The following ANK3 variants were observed in gnomAD, a reference collection of about 807,000 sequenced individuals.
ANK3 encodes ankyrin 3.
ANK3 carries 57 observed loss-of-function variants against 370.9 expected under a neutral mutation model. The ratio of observed to expected loss-of-function variants is 0.15; its 90% CI spans 0.12 to 0.19. The LOEUF (loss-of-function observed/expected upper bound fraction) is 0.19. Ranked by LOEUF, ANK3 falls within the 10% of genes least tolerant of loss-of-function variation. The probability of loss-of-function intolerance (pLI) is 1.00; values close to 1 mark genes in which losing one functional copy is unlikely to be tolerated. For synonymous variants in ANK3, 1,929 were observed against 1,946.3 expected, an observed-to-expected ratio of 0.99 and a Z score of 0.23; for missense variants, 4,439 against 5,302.1, an observed-to-expected ratio of 0.84 and a Z score of 5.06.
intron 2 of ANK3, among the ~76,000 whole-genome samples, chr10:60,424,197 C>T (rs1487219554): frequency 6.6e-6 from 1 of 151,982 alleles, no homozygotes; most frequent in Non-Finnish European, 1.5e-5. Context: ...CAGCACAGCT[C>T]CAGTCACATT....
chr10:60,617,511 T>C (rs1355650023), intron 1 of ANK3, among the ~76,000 whole-genome samples: 1 of 152,178 alleles, frequency 6.6e-6, no homozygotes, highest in Non-Finnish European at 1.5e-5. Context: ...CAAGTCTAGC[T>C]TGTCAATATC....
intron 1 of ANK3, among the ~76,000 whole-genome samples, chr10:60,373,864 C>T (rs1055455201): frequency 2.4e-4 from 37 of 152,234 alleles, no homozygotes; most frequent in African/African-American, 8.4e-4. Context: ...CAGGTGCTTA[C>T]GCTAACCCCA....
intron 2 of ANK3, among the ~76,000 whole-genome samples, chr10:60,570,290 T>A (rs2077560773): frequency 6.6e-6 from 1 of 152,166 alleles, no homozygotes; most frequent in Admixed American, 6.6e-5. Flanking sequence ...AGTAGGTATC[T>A]GATAGCTTGA....
At chr10:60,438,913 A>G (rs1397780734) in intron 2 of ANK3, among the ~76,000 whole-genome samples, 1 of 152,254 alleles carries the variant, frequency 6.6e-6, no homozygotes, top group Non-Finnish European at 1.5e-5. Context: ...TGGCCATTTC[A>G]CAGAATGAAC....
chr10:60,422,249 C>T (rs1224116048), intron 2 of ANK3, among the ~76,000 whole-genome samples: 2 of 152,098 alleles, frequency 1.3e-5, no homozygotes, highest in Non-Finnish European at 2.9e-5. Flanking sequence ...ACTAAAAAGC[C>T]ACAAGGAACA....
chr10:60,671,887 G>A (rs913553287), intron 1 of ANK3, among the ~76,000 whole-genome samples: 5 of 152,146 alleles, frequency 3.3e-5, no homozygotes, highest in African/African-American at 1.2e-4. Flanking sequence ...ATCAGCACTG[G>A]CTTGCCAGGC....
intron 2 of ANK3, among the ~76,000 whole-genome samples, chr10:60,545,467 CTT>C (rs2076943051): frequency 1.3e-5 from 2 of 150,030 alleles, no homozygotes; most frequent in South Asian, 4.3e-4. Flanking sequence ...TCTACAAATA[CTT>C]CATAGAGTTT....
At chr10:60,699,609 A>T in intron 1 of ANK3, among the ~76,000 whole-genome samples, 1 of 152,122 alleles carries the variant, frequency 6.6e-6, no homozygotes, top group East Asian at 1.9e-4. Flanking sequence ...ATTACCAAGA[A>T]GCATAATATA....
chr10:60,069,532 T>G lies in ANK3; in HGVS notation c.11349A>C (p.Lys3783Asn), dbSNP rs778555217. The change falls in exon 37 of 44, where the codon AAA becomes AAC. Residue 3783 changes from lysine (K) to asparagine (N), a missense_variant. Coordinates refer to ENST00000280772, the MANE Select transcript of ANK3 (RefSeq NM_020987.5). The part of the protein sequence containing the change: ...VRPHEKHDFQ[K>N]DNFNNNNNLD... Reference sequence around the variant, plus strand: ...AATTGTTGTTGTTATTAAAGTTATCTTTTTGAAAATCATGTTTTTCATGGG... The same window carrying G: ...AATTGTTGTTGTTATTAAAGTTATCGTTTTGAAAATCATGTTTTTCATGGG... The G allele has an allele frequency of 6.2e-7, 1 of 1,613,168 alleles. No homozygotes were observed. The highest frequency in any genetic ancestry group is 1.1e-5 in the South Asian group (1 of 90,766).
At chr10:60,498,237 G>GAAAAC (rs1173581408) in intron 2 of ANK3, among the ~76,000 whole-genome samples, 7 of 152,016 alleles carry the variant, frequency 4.6e-5, no homozygotes, top group African/African-American at 1.7e-4. Flanking sequence ...AATTTCATAA[G>GAAAAC]AAAACAAAAC....
intron 23 of ANK3, among the ~76,000 whole-genome samples, chr10:60,154,039 T>G (rs943097408): frequency 6.6e-6 from 1 of 152,208 alleles, no homozygotes; most frequent in African/African-American, 2.4e-5. Context: ...AAACAGAGAA[T>G]AAGATTTAGT....
intron 1 of ANK3, among the ~76,000 whole-genome samples, chr10:60,306,536 C>T (rs950084449): frequency 1.3e-5 from 2 of 151,696 alleles, no homozygotes; most frequent in Non-Finnish European, 2.9e-5. Context: ...GATATAAACA[C>T]GTGTGTGCAT....
rs10509122 is a variant in ANK3, at chr10:60,083,693, G to C, written c.4075-76C>G. On this transcript the variant is annotated intron_variant, in intron 32 of 43. Coordinates refer to ENST00000280772, the MANE Select transcript of ANK3 (RefSeq NM_020987.5). Reference sequence around the variant, plus strand: ...ATTTTGAGATTTTATGTCACGTAACGTTAAAAGACTGACGTTACTATGTTA... The same window carrying C: ...ATTTTGAGATTTTATGTCACGTAACCTTAAAAGACTGACGTTACTATGTTA... The C allele has an allele frequency of 3.1e-6, 4 of 1,279,246 alleles. No homozygotes were observed. In the Admixed American group the frequency reaches 8.8e-5, roughly 28 times the overall value. The allele number at this position is 1,279,246 out of a possible 1,614,324, so 79.2% of individuals were successfully genotyped here.
At chr10:60,645,874 AAC>A (rs2078703527) in intron 1 of ANK3, among the ~76,000 whole-genome samples, 1 of 152,250 alleles carries the variant, frequency 6.6e-6, no homozygotes, top group Non-Finnish European at 1.5e-5. Flanking sequence ...ATCAGGTAGT[AAC>A]AGTCTCCCTT....
intron 1 of ANK3, among the ~76,000 whole-genome samples, chr10:60,685,366 T>C (rs1397794787): frequency 6.6e-6 from 1 of 151,968 alleles, no homozygotes; most frequent in Non-Finnish European, 1.5e-5. Context: ...AAATTTGACC[T>C]GAAGTTAGTG....
chr10:60,350,885 A>T (rs1304985739), intron 1 of ANK3, among the ~76,000 whole-genome samples: 25 of 152,144 alleles, frequency 1.6e-4, no homozygotes, highest in Non-Finnish European at 3.1e-4. Context: ...GATACTTCCC[A>T]GGGCCACTGA....
At chr10:60,369,801 GTTTA>G (rs969572370) in intron 1 of ANK3, among the ~76,000 whole-genome samples, 47 of 152,116 alleles carry the variant, frequency 3.1e-4, no homozygotes, top group African/African-American at 8.4e-4. Context: ...TTAGATATCT[GTTTA>G]TTTATTTCTG....
At chr10:60,276,880 G>T (rs1464391969) in intron 4 of ANK3, among the ~76,000 whole-genome samples, 4 of 152,108 alleles carry the variant, frequency 2.6e-5, no homozygotes, top group Admixed American at 6.6e-5. Context: ...AATATTATTG[G>T]GGTATTTTGA....
rs139312463 is a variant in ANK3 at position 60,169,960 on chromosome 10, T to C, written c.2478+2348A>G. Among the ~76,000 whole-genome samples the C allele has an allele frequency of 3.0e-3, 463 of 152,328 alleles. 2 individuals carry two copies. Among genetic ancestry groups the C allele is most frequent in the Admixed American group, 6.0e-3 (92 of 15,292 alleles). ...TTCCTTACTTTTTGACACTCTAAGA[T>C]GTTCCAGGCTCATCTTATATATTTA... is the stretch of plus-strand genomic sequence containing the variant. On this transcript the variant is annotated intron_variant, in intron 21 of 43. Coordinates refer to ENST00000280772, the MANE Select transcript of ANK3 (RefSeq NM_020987.5).
Sources: allele counts gnomAD v4.1 joint callset (sites outside exome capture counted in the v4.1 genomes callset), GRCh38; gene constraint gnomAD v4.1.1; transcripts MANE v1.5; gene names NCBI Gene and HGNC (gene_info 2026-07-23, HGNC 2026-07-21).